Variants in CNTN1 observed in about 807,000 individuals in gnomAD.
CNTN1 encodes the protein contactin-1.
A neutral mutation model predicts 126.4 loss-of-function variants in CNTN1; 38 were observed. That is an observed-to-expected ratio of 0.30 (90% CI 0.23 to 0.39). CNTN1 has a LOEUF of 0.39. CNTN1 is among the 10% of genes least tolerant of loss of function. The pLI, the probability that CNTN1 is intolerant of heterozygous loss-of-function variation, is 1.00. For missense variants in CNTN1, 1,009 were observed against 1,248.4 expected (o/e 0.81, Z 2.89); for synonymous variants, 413 against 422.6 (o/e 0.98, Z 0.28).
chr12:40,991,013 C>T (rs1293638407), intron 16 of CNTN1, among the ~76,000 whole-genome samples: 2 of 152,158 alleles, frequency 1.3e-5, no homozygotes, highest in Admixed American at 6.5e-5. Context: ...CAGCTTCTGC[C>T]TTTAAGGTTC....
chr12:40,698,392 C>T (rs1011401433), intron 1 of CNTN1, among the ~76,000 whole-genome samples: 1 of 151,782 alleles, frequency 6.6e-6, no homozygotes, highest in Non-Finnish European at 1.5e-5. Context: ...CCCATCACTA[C>T]GCCCAGTTAA....
chr12:40,928,498 T>C (rs1428250988), intron 6 of CNTN1, among the ~76,000 whole-genome samples: 1 of 152,080 alleles, frequency 6.6e-6, no homozygotes, highest in African/African-American at 2.4e-5. Flanking sequence ...AAATATATGT[T>C]AACCGTAATT....
chr12:40,787,350 T>G (rs1480256259), intron 1 of CNTN1, among the ~76,000 whole-genome samples: 1 of 152,012 alleles, frequency 6.6e-6, no homozygotes, highest in Non-Finnish European at 1.5e-5. Context: ...TGCTTAGCAC[T>G]TTTGGGCACA....
chr12:40,948,606 A>C (rs1946528809), intron 14 of CNTN1, among the ~76,000 whole-genome samples: 1 of 152,182 alleles, frequency 6.6e-6, no homozygotes, highest in Admixed American at 6.5e-5. Context: ...CTAGAGGCTA[A>C]CAGAAGATTT....
At position 40,917,063 on chromosome 12, in the gene CNTN1, G is replaced by GGGTT. The variant is rs1555179741; in HGVS notation, c.95-1574_95-1573insTTGG. On this transcript the variant is annotated intron_variant, in intron 3 of 23. Transcript: ENST00000551295. ...ATTCTTCATACCAGTGGTGGGGGCG[G>GGGTT]GGGGGGGGGCAGAACTAACTTGAGG... Among the ~76,000 whole-genome samples, 47 of 65,576 alleles carry GGGTT rather than the reference G, an allele frequency of 7.2e-4. No individual in the cohort carries two copies. In the East Asian group the frequency reaches 0.044, roughly 61 times the overall value. 43.0% of individuals were successfully genotyped at this position (65,576 alleles called of 152,430 possible). A position where few individuals can be genotyped will look rare whatever the true frequency, so the allele number is the denominator to read the frequency against.
chr12:40,846,629 G>A (rs61000246), intron 1 of CNTN1, among the ~76,000 whole-genome samples: 3,144 of 152,206 alleles, frequency 0.021, 107 homozygotes, highest in African/African-American at 0.072. Flanking sequence ...GAGACTTTGG[G>A]AGAGTTTCAA....
At chr12:40,896,688 T>C (rs1379976954) in intron 1 of CNTN1, among the ~76,000 whole-genome samples, 1 of 152,208 alleles carries the variant, frequency 6.6e-6, no homozygotes, top group Non-Finnish European at 1.5e-5. Context: ...TTTTAAGTTG[T>C]CCTCAAATAT....
intron 17 of CNTN1, among the ~76,000 whole-genome samples, chr12:40,994,938 A>T (rs1948176654): frequency 6.6e-6 from 1 of 152,100 alleles, no homozygotes; most frequent in African/African-American, 2.4e-5. Context: ...TCTAAATTTG[A>T]ATTCTGAATC....
At position 41,014,267 on chromosome 12, in the gene CNTN1, G is replaced by A; in HGVS notation, c.2153G>A (p.Gly718Glu). Residue 718 changes from glycine (G) to glutamate (E), a missense_variant, in exon 18 of 24, where the codon GGA becomes GAA. Gly to Glu is a moderately conservative substitution (Grantham distance 98). Coordinates refer to ENST00000551295, the MANE Select transcript of CNTN1 (RefSeq NM_001843.4). ...CCTTCAGATGTAGGAGGTGGAGGTG[G>A]AAGAAACAGAGAGCTGACCATAACA... is the stretch of plus-strand genomic sequence containing the variant. ...VAPSDVGGGG[G>E]RNRELTITWA... 6.2e-7 allele frequency: 1 copy of A among 1,613,968 alleles called. No individual in the cohort carries two copies. The highest frequency in any genetic ancestry group is 1.1e-5 in the South Asian group (1 of 91,082).
chr12:40,983,956 A>T (rs1005913568), intron 16 of CNTN1, among the ~76,000 whole-genome samples: 1 of 147,188 alleles, frequency 6.8e-6, no homozygotes, highest in Non-Finnish European at 1.5e-5. Context: ...ATAGTAATAT[A>T]TATATTGCTA....
chr12:41,012,402 G>T (rs548076492), intron 17 of CNTN1, among the ~76,000 whole-genome samples: 1 of 152,192 alleles, frequency 6.6e-6, no homozygotes, highest in Non-Finnish European at 1.5e-5. Flanking sequence ...CATACACAGA[G>T]AGGATAAGAG....
chr12:40,886,122 C>T (rs756365135), intron 1 of CNTN1, among the ~76,000 whole-genome samples: 1 of 152,042 alleles, frequency 6.6e-6, no homozygotes, highest in Non-Finnish European at 1.5e-5. Flanking sequence ...GGTCTATAAT[C>T]ATACCGTATG....
At chr12:40,924,744 C>A in intron 6 of CNTN1, 92 bp downstream of exon 6, 1 of 732,630 alleles carries the variant, frequency 1.4e-6, no homozygotes, top group South Asian at 1.5e-5. Flanking sequence ...TATTAATAAT[C>A]ATGGCTTATT....
intron 15 of CNTN1, chr12:40,971,354 C>T (rs1189053088): frequency 8.1e-7 from 1 of 1,231,390 alleles, no homozygotes; most frequent in Non-Finnish European, 1.1e-6. Flanking sequence ...GGAAATAGGG[C>T]AAATCCCCCA....
chr12:41,016,123 A>G (rs1394833523), intron 18 of CNTN1, among the ~76,000 whole-genome samples: 1 of 152,096 alleles, frequency 6.6e-6, no homozygotes, highest in Non-Finnish European at 1.5e-5. Flanking sequence ...CCTTTAATAC[A>G]TATTACTTGA....
chr12:40,793,470 A>G (rs1039121046), intron 1 of CNTN1, among the ~76,000 whole-genome samples: 1 of 152,172 alleles, frequency 6.6e-6, no homozygotes, highest in Admixed American at 6.6e-5. Flanking sequence ...GTGGGGAAAA[A>G]AAAAAAAAAA....
At chr12:40,986,692 A>G (rs903368027) in intron 16 of CNTN1, among the ~76,000 whole-genome samples, 2 of 152,140 alleles carry the variant, frequency 1.3e-5, no homozygotes, top group Non-Finnish European at 2.9e-5. Flanking sequence ...CTCAAGGGGA[A>G]GCAGATCTCT....
At chr12:40,749,511 TA>T (rs1272863128) in intron 1 of CNTN1, among the ~76,000 whole-genome samples, 4 of 152,124 alleles carry the variant, frequency 2.6e-5, no homozygotes, top group African/African-American at 7.2e-5. Flanking sequence ...TATAATTCAA[TA>T]TTTTTTTTGT....
At chr12:40,835,464 C>A (rs1942013125) in intron 1 of CNTN1, among the ~76,000 whole-genome samples, 1 of 152,058 alleles carries the variant, frequency 6.6e-6, no homozygotes, top group African/African-American at 2.4e-5. Context: ...AATTCACATT[C>A]TTTTTATTCT....
Sources: gnomAD v4.1 joint callset for allele counts (sites outside exome capture counted in the v4.1 genomes callset) on GRCh38, gnomAD v4.1.1 for gene constraint, MANE v1.5 for transcripts, NCBI Gene and HGNC (gene_info 2026-07-23, HGNC 2026-07-21) for gene names.